NTM: variants seen among roughly 807,000 people sequenced by gnomAD.
NTM encodes IgLON family member 2.
A neutral mutation model predicts 42.1 loss-of-function variants in NTM; 13 were observed. The ratio of observed to expected loss-of-function variants is 0.31; its 90% CI spans 0.20 to 0.49. The LOEUF (loss-of-function observed/expected upper bound fraction) is 0.49, where lower values mean the gene tolerates loss of function less well. NTM is among the 20% of genes least tolerant of loss of function. The pLI is 0.99. For synonymous variants in NTM, 187 were observed against 179.2 expected (o/e 1.04, Z -0.35); for missense variants, 373 against 452.8 (o/e 0.82, Z 1.60).
intron 1 of NTM, among the ~76,000 whole-genome samples, chr11:131,733,509 T>A (rs79210171): frequency 0.025 from 3,709 of 149,460 alleles, 171 homozygotes; most frequent in African/African-American, 0.087. Context: ...CTTCCTTCCT[T>A]CCTTCCTTCC....
intron 4 of NTM, among the ~76,000 whole-genome samples, chr11:132,250,438 C>A (rs182912115): frequency 6.6e-6 from 1 of 152,236 alleles, no homozygotes; most frequent in East Asian, 1.9e-4. Flanking sequence ...CTGGAAAATT[C>A]TCAGCCATTG....
Position 132,070,367 on chromosome 11 carries a change from C to T in NTM, c.168-75915C>T, listed in dbSNP as rs1417308182. ...AGCCAAAACACGTCAAACTGACCAT[C>T]ACAGGTTAGTTAACACGTCACACAG... On this transcript the variant is annotated intron_variant, in intron 2 of 8. Transcript: ENST00000683400. 4.3e-4 allele frequency among the ~76,000 whole-genome samples: 62 copies of T among 144,830 alleles called. 4 individuals carry two copies. The highest frequency in any genetic ancestry group is 7.7e-4 in the Non-Finnish European group (50 of 65,044).
chr11:131,692,443 C>G (rs2074908525), intron 1 of NTM, among the ~76,000 whole-genome samples: 1 of 152,250 alleles, frequency 6.6e-6, no homozygotes, highest in Admixed American at 6.5e-5. Context: ...GCTAGCCTAC[C>G]TCCCATGCAG....
chr11:131,938,652 G>A (rs887750590), intron 2 of NTM, among the ~76,000 whole-genome samples: 1 of 152,174 alleles, frequency 6.6e-6, no homozygotes, highest in African/African-American at 2.4e-5. Flanking sequence ...AGGTGGGTGG[G>A]GCAGGGTGAC....
chr11:132,327,593 G>A (rs1226897863), intron 7 of NTM, among the ~76,000 whole-genome samples: 1 of 152,164 alleles, frequency 6.6e-6, no homozygotes, highest in Non-Finnish European at 1.5e-5. Context: ...CATGAAACCA[G>A]CCCTCCTCTG....
intron 2 of NTM, among the ~76,000 whole-genome samples, chr11:132,075,132 A>G (rs187133693): frequency 1.3e-5 from 2 of 152,328 alleles, no homozygotes; most frequent in Non-Finnish European, 2.9e-5. Context: ...GATATCTAAA[A>G]TAAGCAAATT....
At chr11:131,670,237 C>T (rs1403907903) in intron 1 of NTM, among the ~76,000 whole-genome samples, 1 of 151,956 alleles carries the variant, frequency 6.6e-6, no homozygotes, top group Non-Finnish European at 1.5e-5. Context: ...ACCCTCATCC[C>T]CTTTGGCAAA....
At chr11:131,873,599 CATATATATATACCGTATATATAT>C (rs2048075855) in intron 1 of NTM, among the ~76,000 whole-genome samples, 4 of 100,620 alleles carry the variant, frequency 4.0e-5, no homozygotes, top group African/African-American at 7.9e-5. Context: ...TATATATATA[CATATATATATACCGTATATATAT>C]ACATATATAT....
chr11:131,544,720 T>C (rs984588584), intron 1 of NTM, among the ~76,000 whole-genome samples: 1 of 152,224 alleles, frequency 6.6e-6, no homozygotes, highest in African/African-American at 2.4e-5. Context: ...GAGAATGTTT[T>C]ATTTCCTGCT....
intron 4 of NTM, among the ~76,000 whole-genome samples, chr11:132,267,708 G>A (rs1234164014): frequency 2.6e-5 from 4 of 151,940 alleles, no homozygotes; most frequent in South Asian, 2.1e-4. Context: ...CCCAGCTGAG[G>A]TGGGAGAATT....
intron 1 of NTM, among the ~76,000 whole-genome samples, chr11:131,590,808 G>A (rs953282955): frequency 3.9e-5 from 6 of 152,258 alleles, no homozygotes; most frequent in East Asian, 3.9e-4. Context: ...ATAAATGGCC[G>A]ATGTAAGGTT....
At chr11:131,450,321 G>A (rs1265001922) in intron 1 of NTM, among the ~76,000 whole-genome samples, 4 of 152,180 alleles carry the variant, frequency 2.6e-5, no homozygotes, top group African/African-American at 9.7e-5. Context: ...GTCATAACCC[G>A]AAGTGGCTCG....
chr11:131,598,790 T>C (rs1404588853), intron 1 of NTM, among the ~76,000 whole-genome samples: 1 of 98,114 alleles, frequency 1.0e-5, no homozygotes, highest in Non-Finnish European at 2.4e-5. Flanking sequence ...TTCTTCTTTC[T>C]TTCTTTCTTT....
chr11:132,271,918 T>C (rs1159210694), intron 4 of NTM, among the ~76,000 whole-genome samples: 1 of 152,152 alleles, frequency 6.6e-6, no homozygotes, highest in East Asian at 1.9e-4. Flanking sequence ...TTTTGTTGCT[T>C]GTGCTTTTGA....
intron 1 of NTM, among the ~76,000 whole-genome samples, chr11:131,602,498 C>G (rs1478495417): frequency 6.6e-6 from 1 of 152,238 alleles, no homozygotes; most frequent in Admixed American, 6.5e-5. Context: ...CCATAGAGTT[C>G]CCAGTGTTTT....
intron 7 of NTM, among the ~76,000 whole-genome samples, chr11:132,317,227 C>T (rs113479935): frequency 0.03 from 4,581 of 152,200 alleles, 254 homozygotes; most frequent in African/African-American, 0.1. Context: ...CTGGGGAGCT[C>T]GTTCGTTCCT....
At chr11:132,224,913 T>C (rs1228484084) in intron 4 of NTM, among the ~76,000 whole-genome samples, 2 of 152,224 alleles carry the variant, frequency 1.3e-5, no homozygotes, top group Non-Finnish European at 2.9e-5. Flanking sequence ...CTAGGGGTTC[T>C]CTGTCCAGCT....
intron 1 of NTM, among the ~76,000 whole-genome samples, chr11:131,380,900 T>A (rs1591510634): frequency 6.6e-6 from 1 of 152,230 alleles, no homozygotes; most frequent in African/African-American, 2.4e-5. Context: ...TATAAAGCCA[T>A]TTTCTTAGAT....
At chr11:131,717,385 T>C (rs1238109909) in intron 1 of NTM, among the ~76,000 whole-genome samples, 1 of 152,194 alleles carries the variant, frequency 6.6e-6, no homozygotes, top group Non-Finnish European at 1.5e-5. Context: ...TCTCTATTTA[T>C]ATAGGTCTTT....
Sources: gnomAD v4.1 joint callset for allele counts (sites outside exome capture counted in the v4.1 genomes callset) on GRCh38, gnomAD v4.1.1 for gene constraint, MANE v1.5 for transcripts, NCBI Gene and HGNC (gene_info 2026-07-23, HGNC 2026-07-21) for gene names.